The following PCDHAC2 variants were observed in gnomAD, a reference collection of about 807,000 sequenced individuals.
PCDHAC2 encodes protocadherin alpha-C2.
PCDHAC2 carries 24 observed loss-of-function variants against 63.3 expected under a neutral mutation model. That is an observed-to-expected ratio of 0.38 (90% CI 0.27 to 0.53). The LOEUF (loss-of-function observed/expected upper bound fraction) is 0.53, where lower values mean the gene tolerates loss of function less well. PCDHAC2 is among the 20% of genes least tolerant of loss of function. PCDHAC2 has a pLI of 0.81. For synonymous variants in PCDHAC2, 569 were observed against 529.4 expected, an observed-to-expected ratio of 1.07 and a Z score of -1.03; for missense variants, 1,181 against 1,275.2, an observed-to-expected ratio of 0.93 and a Z score of 1.12.
chr5:140,985,346 A>G (rs2097147411), intron 3 of PCDHAC2, among the ~76,000 whole-genome samples: 1 of 152,186 alleles, frequency 6.6e-6, no homozygotes, highest in African/African-American at 2.4e-5. Flanking sequence ...GCAGGCCCAG[A>G]TATAGACCCT....
intron 1 of PCDHAC2, among the ~76,000 whole-genome samples, chr5:140,971,962 T>C (rs1392143830): frequency 6.6e-6 from 1 of 152,150 alleles, no homozygotes; most frequent in Non-Finnish European, 1.5e-5. Context: ...CAAAAACTTT[T>C]TTTCAATACT....
chr5:140,981,690 A>C (rs1410954672), intron 2 of PCDHAC2, among the ~76,000 whole-genome samples: 1 of 150,712 alleles, frequency 6.6e-6, no homozygotes, highest in Non-Finnish European at 1.5e-5. Flanking sequence ...CCCTTCCATC[A>C]TTCATTCATT....
At chr5:141,002,684 G>C (rs1432098268) in intron 3 of PCDHAC2, among the ~76,000 whole-genome samples, 2 of 152,180 alleles carry the variant, frequency 1.3e-5, no homozygotes, top group Non-Finnish European at 2.9e-5. Context: ...TATACGACGT[G>C]CAGATTTGTT....
At position 140,967,531 on chromosome 5, in the gene PCDHAC2, T is replaced by C. The variant is rs1399482021; in HGVS notation, c.765T>C (p.Pro255=). The change falls in exon 1 of 4, where the codon CCT becomes CCC. Residue 255 remains proline, a synonymous_variant. Coordinates refer to ENST00000289269, the MANE Select transcript of PCDHAC2 (RefSeq NM_018899.6). ...TCCTGGACACTAACGACAACTCTCC[T>C]GCCTTTGACCAGTCCACTTATCGCG... ...VRVLDTNDNS[P]AFDQSTYRVQ... The C allele has an allele frequency of 3.7e-6, 6 of 1,613,104 alleles. No individual in the cohort carries two copies. Among genetic ancestry groups the C allele is most frequent in the Non-Finnish European group, 4.2e-6 (5 of 1,179,350 alleles).
chr5:140,978,994 G>A lies in PCDHAC2; in HGVS notation c.2611G>A (p.Ala871Thr). The A allele has an allele frequency of 6.2e-7, 1 of 1,614,152 alleles. No homozygotes were observed. The highest frequency in any genetic ancestry group is 8.5e-7 in the Non-Finnish European group (1 of 1,180,022). The change falls in exon 2 of 4, where the codon GCA (alanine) becomes ACA (threonine). Residue 871 changes from alanine to threonine, a missense_variant. Coordinates refer to ENST00000289269, the MANE Select transcript of PCDHAC2 (RefSeq NM_018899.6). ...CTGGCGTTACTCTGCCTCCCTGAGA[G>A]CAGGCATGCACAGGTATGTATTTCC... ...PDWRYSASLR[A>T]GMHSSVHLEE... is the part of the protein sequence containing the mutation.
Position 140,967,233 on chromosome 5 carries a change from A to G in PCDHAC2, c.467A>G (p.Gln156Arg). Reference protein sequence around the residue: ...PRFPRPNYQLQVSESVAPGAR... With the variant: ...PRFPRPNYQLRVSESVAPGAR... ...TTCCCGCGGCCCAACTACCAGCTTC[A>G]GGTAAGCGAATCGGTGGCGCCTGGA... Residue 156 changes from glutamine to arginine, a missense_variant, in exon 1 of 4, where the codon CAG (glutamine) becomes CGG (arginine). Around this residue, in one of 3 missense-constraint regions of PCDHAC2, gnomAD observed 968 missense variants for 1,073.5 expected, o/e 0.90. Coordinates refer to ENST00000289269, the MANE Select transcript of PCDHAC2 (RefSeq NM_018899.6). The G allele has an allele frequency of 6.2e-7, 1 of 1,613,728 alleles. No individual in the cohort carries two copies. The highest frequency in any genetic ancestry group is 1.1e-5 in the South Asian group (1 of 91,088).
chr5:140,974,661 G>A (rs542677478), intron 1 of PCDHAC2, among the ~76,000 whole-genome samples: 4 of 152,066 alleles, frequency 2.6e-5, no homozygotes, highest in South Asian at 4.2e-4. Context: ...ACAGGCATGC[G>A]CCACCATGCC....
At chr5:140,976,203 A>T (rs1301475935) in intron 1 of PCDHAC2, among the ~76,000 whole-genome samples, 1 of 152,220 alleles carries the variant, frequency 6.6e-6, no homozygotes, top group East Asian at 1.9e-4. Flanking sequence ...GAAACTCAGA[A>T]GTAAAAAAGA....
chr5:141,002,555 A>C (rs1349538713), intron 3 of PCDHAC2, among the ~76,000 whole-genome samples: 1 of 152,222 alleles, frequency 6.6e-6, no homozygotes, highest in Admixed American at 6.5e-5. Context: ...CCCAGGATCC[A>C]CCAGTTAGTG....
intron 3 of PCDHAC2, among the ~76,000 whole-genome samples, chr5:140,984,867 TA>T (rs1251384308): frequency 6.6e-6 from 1 of 152,180 alleles, no homozygotes; most frequent in Non-Finnish European, 1.5e-5. Context: ...ACACCTATTT[TA>T]TTGAGTTACC....
chr5:140,985,504 A>G (rs1368014181), intron 3 of PCDHAC2, among the ~76,000 whole-genome samples: 2 of 152,170 alleles, frequency 1.3e-5, no homozygotes, highest in Non-Finnish European at 2.9e-5. Context: ...CCTGCCTTTC[A>G]TTGATTCTGT....
chr5:140,978,907 G>T (rs782602741), intron 1 of PCDHAC2, 42 bp from the exon 2 acceptor site: 3 of 1,613,648 alleles, frequency 1.9e-6, no homozygotes, highest in East Asian at 2.2e-5. Flanking sequence ...GGAGAACATT[G>T]TCTTGTCATT....
At chr5:140,997,911 C>T (rs2097790216) in intron 3 of PCDHAC2, among the ~76,000 whole-genome samples, 1 of 152,120 alleles carries the variant, frequency 6.6e-6, no homozygotes, top group East Asian at 1.9e-4. Context: ...AGTAGAATTA[C>T]AGAATCATAG....
chr5:140,980,275 C>G (rs1288435032), intron 2 of PCDHAC2, among the ~76,000 whole-genome samples: 1 of 152,196 alleles, frequency 6.6e-6, no homozygotes. Flanking sequence ...AGTACCAACT[C>G]TTGAAAAGTA....
chr5:140,979,186 C>T, intron 2 of PCDHAC2, 179 bp downstream of exon 2: 2 of 914,118 alleles, frequency 2.2e-6, no homozygotes, highest in Non-Finnish European at 2.6e-6. Context: ...ATGGTCAGTG[C>T]CAGATGCTTA....
chr5:141,005,499 C>T (rs1399657712), intron 3 of PCDHAC2, among the ~76,000 whole-genome samples: 1 of 151,380 alleles, frequency 6.6e-6, no homozygotes, highest in Non-Finnish European at 1.5e-5. Context: ...GTCAGGAGAT[C>T]GAGACCATCC....
chr5:140,973,815 A>G (rs2096603789), intron 1 of PCDHAC2, among the ~76,000 whole-genome samples: 1 of 152,224 alleles, frequency 6.6e-6, no homozygotes, highest in Admixed American at 6.5e-5. Flanking sequence ...CAGAATAGCA[A>G]AGTCAGTTCT....
intron 1 of PCDHAC2, among the ~76,000 whole-genome samples, chr5:140,972,741 G>T (rs1453484254): frequency 6.9e-6 from 1 of 145,350 alleles, no homozygotes; most frequent in Non-Finnish European, 1.5e-5. Context: ...CCGGCTCACT[G>T]CAACCTCCGC....
chr5:141,010,696 C>A lies in PCDHAC2; in HGVS notation c.*759C>A. ...AAACAGAAGCAGATCTGATGTGTTT[C>A]CTATACATGTCCTGTGCTCACTTTA... On this transcript the variant is annotated 3_prime_UTR_variant, in exon 4 of 4. Transcript: ENST00000289269. The A allele has an allele frequency of 6.3e-6, 1 of 159,082 alleles. No individual in the cohort carries two copies. The highest frequency in any genetic ancestry group is 1.4e-5 in the Non-Finnish European group (1 of 71,522). 9.9% of individuals were successfully genotyped at this position (159,082 alleles called of 1,614,324 possible).
Sources: allele counts gnomAD v4.1 joint callset (sites outside exome capture counted in the v4.1 genomes callset), GRCh38; gene constraint gnomAD v4.1.1; regional missense constraint gnomAD v4.1.1; transcripts MANE v1.5; gene names NCBI Gene and HGNC (gene_info 2026-07-23, HGNC 2026-07-21).